Variants in TREH observed in about 807,000 individuals in gnomAD.
The protein encoded by TREH is trehalase.
TREH carries 69 observed loss-of-function variants against 80.5 expected under a neutral mutation model. That is an observed-to-expected ratio of 0.86 (90% CI 0.71 to 1.05). The LOEUF (loss-of-function observed/expected upper bound fraction) is 1.05, where lower values mean the gene tolerates loss of function less well. Ranked by LOEUF, TREH falls within the 50% of genes least tolerant of loss-of-function variation. TREH has a pLI of 0.00. For missense variants in TREH, 716 were observed against 718.8 expected (o/e 1.00, Z 0.04); for synonymous variants, 309 against 293.5 (o/e 1.05, Z -0.54).
chr11:118,667,418 G>T (rs1949388241), intron 1 of TREH, among the ~76,000 whole-genome samples: 1 of 152,120 alleles, frequency 6.6e-6, no homozygotes, highest in Non-Finnish European at 1.5e-5. Context: ...CTGGGTTCAA[G>T]TGATCCTCCT....
intron 1 of TREH, among the ~76,000 whole-genome samples, chr11:118,676,211 AGTC>A (rs1293101389): frequency 6.6e-6 from 1 of 152,192 alleles, no homozygotes; most frequent in Non-Finnish European, 1.5e-5. Context: ...CTTCATGTGG[AGTC>A]GTCTTGTTAG....
At chr11:118,659,611 C>A in intron 11 of TREH, 130 bp from the exon 12 acceptor site, 1 of 1,353,730 alleles carries the variant, frequency 7.4e-7, no homozygotes, top group Non-Finnish European at 1.0e-6. Context: ...AGCTGCCCCC[C>A]GGTGGCTCTG....
At chr11:118,658,467 A>G (rs772829094) in intron 14 of TREH, 26 bp from the exon 15 acceptor site, 2 of 1,607,976 alleles carry the variant, frequency 1.2e-6, no homozygotes, top group South Asian at 1.1e-5. Context: ...CAGTGGGGCC[A>G]GTTTCTGGGG....
intron 1 of TREH, among the ~76,000 whole-genome samples, chr11:118,663,787 G>T (rs1433967150): frequency 6.7e-6 from 1 of 148,306 alleles, no homozygotes; most frequent in Non-Finnish European, 1.5e-5. Flanking sequence ...GTGTAGACTC[G>T]ATCGGAAGGG....
At chr11:118,660,360 T>C (rs1949305588) in intron 10 of TREH, among the ~76,000 whole-genome samples, 179 bp downstream of exon 10, 1 of 152,114 alleles carries the variant, frequency 6.6e-6, no homozygotes, top group Non-Finnish European at 1.5e-5. Flanking sequence ...AGGATTAGGG[T>C]TGGCTCCGTT....
chr11:118,663,852 G>A (rs1278865848), intron 1 of TREH, among the ~76,000 whole-genome samples: 2 of 152,168 alleles, frequency 1.3e-5, no homozygotes, highest in East Asian at 3.9e-4. Flanking sequence ...GATTGGGCCA[G>A]AACATTTCCA....
chr11:118,658,291 A>T lies in TREH; in HGVS notation c.1750T>A (p.Ter584ArgextTer61), dbSNP rs1311110949. Residue 584 changes from the stop codon to arginine (R), a stop_lost, in exon 15 of 15, where the codon TGA becomes AGA. Coordinates refer to ENST00000264029, the MANE Select transcript of TREH (RefSeq NM_007180.3). ...GCCAGGTGAGGAGAGGAGGGCTGTC[A>T]CCATGGCAGGAGGCTGAGCAGGAGG... ...PSLLLSLLPW[*>R] 2 of 1,585,170 alleles carry T rather than the reference A, an allele frequency of 1.3e-6. No homozygotes were observed. Among genetic ancestry groups the T allele is most frequent in the Non-Finnish European group, 1.7e-6 (2 of 1,166,486 alleles).
rs557841934 is a variant in TREH, at chr11:118,657,963, C to G, written c.*326G>C. On this transcript the variant is annotated 3_prime_UTR_variant, in exon 15 of 15. Coordinates refer to ENST00000264029, the MANE Select transcript of TREH (RefSeq NM_007180.3). ...GCATTGAGCCCTTGGTTGCCTGGGC[C>G]CAGGCTGGGGGTTTTCAGTATTTGT... 1 of 283,998 alleles carries G rather than the reference C, an allele frequency of 3.5e-6. No individual in the cohort carries two copies. The highest frequency in any genetic ancestry group is 7.5e-5 in the South Asian group (1 of 13,376). 17.6% of individuals were successfully genotyped at this position (283,998 alleles called of 1,614,324 possible). A position where few individuals can be genotyped will look rare whatever the true frequency, so the allele number is the denominator to read the frequency against.
chr11:118,658,518 A>G, intron 14 of TREH, 77 bp from the exon 15 acceptor site: 3 of 1,548,932 alleles, frequency 1.9e-6, no homozygotes, highest in Non-Finnish European at 2.6e-6. Context: ...CTCTCTCCCC[A>G]GGGGCACTGG....
chr11:118,659,237 G>T, intron 12 of TREH, 133 bp downstream of exon 12: 1 of 864,730 alleles, frequency 1.2e-6, no homozygotes, highest in Non-Finnish European at 1.8e-6. Context: ...TCAAGTGGAG[G>T]CCAGGAGAGC....
At chr11:118,659,558 G>A in intron 11 of TREH, 77 bp from the exon 12 acceptor site, 1 of 1,392,978 alleles carries the variant, frequency 7.2e-7, no homozygotes, top group Non-Finnish European at 9.6e-7. Context: ...GACCCCGCGG[G>A]AAGCCAGACG....
In TREH at chr11:118,663,423, C is replaced by T. The variant is rs782398259; in HGVS notation, c.106G>A (p.Gly36Arg). The T allele has an allele frequency of 6.9e-6, 11 of 1,583,448 alleles. No individual in the cohort carries two copies. The highest frequency in any genetic ancestry group is 2.3e-5 in the East Asian group (1 of 43,756). Residue 36 changes from glycine (G) to arginine (R), a missense_variant, in exon 2 of 15, where the codon GGG (glycine) becomes AGG (arginine). Coordinates refer to ENST00000264029, the MANE Select transcript of TREH (RefSeq NM_007180.3). ...ATTTGAACTTGGTTTAGGAGCTCCC[C>T]GTGGCAGTAAATCTCACTGCAGAGA... is the stretch of plus-strand genomic sequence containing the variant. ...PPCESEIYCH[G>R]ELLNQVQMAK...
rs540458102 is a variant in TREH, at chr11:118,674,322, G to A, written c.89+5217C>T. 6.6e-6 allele frequency among the ~76,000 whole-genome samples: 1 copy of A among 152,292 alleles called. No homozygotes were observed. Among genetic ancestry groups the A allele is most frequent in the South Asian group, 2.1e-4 (1 of 4,828 alleles). On this transcript the variant is annotated intron_variant, in intron 1 of 14. Coordinates refer to ENST00000264029, the MANE Select transcript of TREH (RefSeq NM_007180.3). The surrounding 1 kb of genome is among the most constrained non-coding windows in gnomAD (Gnocchi z 4.4). ...AAGTCCAGTCTATGCTCCAGAGAAG[G>A]CTAACAATCTCTGTGGACTTGGGCA... is the stretch of plus-strand genomic sequence containing the variant.
intron 1 of TREH, among the ~76,000 whole-genome samples, chr11:118,676,070 T>C (rs1395796239): frequency 6.6e-6 from 1 of 152,196 alleles, no homozygotes; most frequent in Non-Finnish European, 1.5e-5. Context: ...ATTGATTGAA[T>C]CATTGATCAT....
rs1299559956 is a variant in TREH at position 118,674,665 on chromosome 11, C to G, written c.89+4874G>C. 6.6e-6 allele frequency among the ~76,000 whole-genome samples: 1 copy of G among 152,178 alleles called. No homozygotes were observed. The highest frequency in any genetic ancestry group is 1.5e-5 in the Non-Finnish European group (1 of 68,034). On this transcript the variant is annotated intron_variant, in intron 1 of 14. Coordinates refer to ENST00000264029, the MANE Select transcript of TREH (RefSeq NM_007180.3). The surrounding 1 kb of genome is among the most constrained non-coding windows in gnomAD (Gnocchi z 4.4). ...TCAAGTGATTCTCCTGCCTCAGCCT[C>G]CTGAGTAGATGGGATTACAGGTGCG...
intron 1 of TREH, among the ~76,000 whole-genome samples, chr11:118,669,037 A>T (rs72999492): frequency 6.6e-6 from 1 of 152,210 alleles, no homozygotes; most frequent in Non-Finnish European, 1.5e-5. Context: ...CATTCCCTTA[A>T]GTAAGAAAAG....
At position 118,659,972 on chromosome 11, in the gene TREH, A is replaced by G. The variant is rs1949299749; in HGVS notation, c.1103-8T>C. 3 of 1,550,090 alleles carry G rather than the reference A, an allele frequency of 1.9e-6. No homozygotes were observed. The highest frequency in any genetic ancestry group is 2.6e-6 in the Non-Finnish European group (3 of 1,146,596). On this transcript the variant is annotated splice_polypyrimidine_tract_variant and splice_region_variant and intron_variant, in intron 10 of 14. Transcript: ENST00000264029. Reference sequence around the variant, plus strand: ...TGGCCTGGGAGTCGTTCCCTGGGGCAGTGCTGCCTTTAGAGCCAGCAGCCA... The same window carrying G: ...TGGCCTGGGAGTCGTTCCCTGGGGCGGTGCTGCCTTTAGAGCCAGCAGCCA...
chr11:118,663,787 G>C (rs1433967150), intron 1 of TREH, among the ~76,000 whole-genome samples: 1 of 148,306 alleles, frequency 6.7e-6, no homozygotes. Context: ...GTGTAGACTC[G>C]ATCGGAAGGG....
chr11:118,679,449 C>G (rs1349828083), intron 1 of TREH, 90 bp downstream of exon 1: 2 of 1,333,662 alleles, frequency 1.5e-6, no homozygotes, highest in Non-Finnish European at 2.0e-6. Flanking sequence ...CTCTTCCTTT[C>G]CCTCTGAAGT....
Sources: gnomAD v4.1 joint callset for allele counts (sites outside exome capture counted in the v4.1 genomes callset) on GRCh38, gnomAD v4.1.1 for gene constraint, Gnocchi (gnomAD v3.1) non-coding constraint, MANE v1.5 for transcripts, NCBI Gene and HGNC (gene_info 2026-07-23, HGNC 2026-07-21) for gene names.